Variants in PLA2R1 observed in about 807,000 individuals in gnomAD.
PLA2R1 encodes the protein phospholipase A2 receptor 1, also known as secretory phospholipase A2 receptor.
PLA2R1 carries 158 observed loss-of-function variants against 195.9 expected under a neutral mutation model. That is an observed-to-expected ratio of 0.81 (90% confidence interval 0.71 to 0.92). The LOEUF is 0.92. PLA2R1 is among the 40% of genes least tolerant of loss of function. PLA2R1 has a pLI of 0.00. For missense variants in PLA2R1, 1,626 were observed against 1,764.6 expected (o/e 0.92, Z 1.41); for synonymous variants, 586 against 598.2 (o/e 0.98, Z 0.30).
At chr2:159,999,814 A>C (rs1051464045) in intron 11 of PLA2R1, among the ~76,000 whole-genome samples, 7 of 152,210 alleles carry the variant, frequency 4.6e-5, no homozygotes, top group Admixed American at 1.3e-4. Context: ...GACTGAATAC[A>C]TGTGCTTATC....
chr2:159,957,399 G>A (rs1447101734), intron 20 of PLA2R1, among the ~76,000 whole-genome samples: 1 of 152,156 alleles, frequency 6.6e-6, no homozygotes, highest in Non-Finnish European at 1.5e-5. Context: ...CTGTTGCCCA[G>A]GCTGGAGTGC....
In PLA2R1 at chr2:159,945,007, T is replaced by C. The variant is rs142742574; in HGVS notation, c.4043A>G (p.Tyr1348Cys). ...NWGIRKPDTDYFKPHHCVALR... is the reference protein window; with the variant it reads ...NWGIRKPDTDCFKPHHCVALR... ...GGCAACACAATGATGGGGCTTGAAG[T>C]AGTCTGTGTCTGGCTTCCGAATGCC... is the stretch of plus-strand genomic sequence containing the variant. The change falls in exon 28 of 30, where the codon TAC (tyrosine) becomes TGC (cysteine). Residue 1348 changes from tyrosine (Y) to cysteine (C), a missense_variant. By Grantham distance (194) the Tyr-to-Cys change is radical. Transcript: ENST00000283243. 2 of 1,613,598 alleles carry C rather than the reference T, an allele frequency of 1.2e-6. No individual in the cohort carries two copies. The highest frequency in any genetic ancestry group is 1.7e-6 in the Non-Finnish European group (2 of 1,179,620).
At chr2:160,029,368 C>T (rs3792190) in intron 4 of PLA2R1, among the ~76,000 whole-genome samples, 2,678 of 151,990 alleles carry the variant, frequency 0.018, 37 homozygotes, top group East Asian at 0.031. Flanking sequence ...AAACGGTGTG[C>T]TGAAGTAGAT....
chr2:159,984,198 TGGGA>T (rs911441972), intron 12 of PLA2R1, 125 bp from the exon 13 acceptor site: 4 of 498,568 alleles, frequency 8.0e-6, no homozygotes, highest in East Asian at 3.0e-5. Flanking sequence ...CTTGATCTAG[TGGGA>T]GGAAGTAATA....
At chr2:159,969,750 C>A (rs547985316) in intron 18 of PLA2R1, among the ~76,000 whole-genome samples, 1 of 152,230 alleles carries the variant, frequency 6.6e-6, no homozygotes, top group African/African-American at 2.4e-5. Flanking sequence ...TCCATGTTGG[C>A]CAGGCTGGTC....
intron 17 of PLA2R1, among the ~76,000 whole-genome samples, chr2:159,975,201 A>G (rs1689457888): frequency 6.6e-6 from 1 of 152,218 alleles, no homozygotes; most frequent in Admixed American, 6.5e-5. Context: ...GAAAAATAAA[A>G]TTGTATGTAT....
chr2:160,021,074 A>G (rs974019362), intron 7 of PLA2R1, among the ~76,000 whole-genome samples: 2 of 152,180 alleles, frequency 1.3e-5, no homozygotes, highest in Admixed American at 1.3e-4. Flanking sequence ...GGCATGAAAC[A>G]AACAAACTTT....
At chr2:159,978,603 T>A (rs1202463737) in intron 14 of PLA2R1, among the ~76,000 whole-genome samples, 2 of 152,218 alleles carry the variant, frequency 1.3e-5, no homozygotes, top group African/African-American at 4.8e-5. Context: ...TCTCAACTTC[T>A]ATGTGTCACA....
intron 20 of PLA2R1, among the ~76,000 whole-genome samples, chr2:159,961,100 G>A (rs906221661): frequency 1.1e-4 from 17 of 152,128 alleles, no homozygotes; most frequent in African/African-American, 4.1e-4. Flanking sequence ...GACAGATGAG[G>A]CAATCTCAAA....
At chr2:159,990,007 A>G (rs143436280) in intron 11 of PLA2R1, among the ~76,000 whole-genome samples, 495 of 152,320 alleles carry the variant, frequency 3.2e-3, no homozygotes, top group African/African-American at 0.011. Context: ...TGTTATTGGT[A>G]TTCTAAAGTG....
Position 159,945,082 on chromosome 2 carries a change from T to C in PLA2R1, c.3968A>G (p.Asn1323Ser). The C allele has an allele frequency of 6.2e-7, 1 of 1,603,968 alleles. No individual in the cohort carries two copies. Among genetic ancestry groups the C allele is most frequent in the Non-Finnish European group, 8.5e-7 (1 of 1,173,798 alleles). Residue 1323 changes from asparagine to serine, a missense_variant and splice_region_variant, in exon 28 of 30, where the codon AAT (asparagine) becomes AGT (serine). By Grantham distance (46) the Asn-to-Ser change is conservative. Coordinates refer to ENST00000283243, the MANE Select transcript of PLA2R1 (RefSeq NM_007366.5). The part of the protein sequence containing the change: ...VWLNAQFDGN[N>S]ETIKWFDGTP... ...TCCATCAAACCACTTTATGGTTTCA[T>C]CTGTGAGAAAATTGCTGACTCATTA...
chr2:160,021,629 G>A (rs1027385890), intron 7 of PLA2R1, among the ~76,000 whole-genome samples: 16 of 152,268 alleles, frequency 1.1e-4, no homozygotes, highest in African/African-American at 3.9e-4. Context: ...ATTCCAAAAG[G>A]TAGCAGAGGT....
At chr2:160,027,426 A>C (rs1693592836) in intron 6 of PLA2R1, among the ~76,000 whole-genome samples, 2 of 152,186 alleles carry the variant, frequency 1.3e-5, no homozygotes, top group African/African-American at 2.4e-5. Context: ...ATCTCTACAT[A>C]AAAAAATGAC....
intron 4 of PLA2R1, among the ~76,000 whole-genome samples, chr2:160,029,599 C>T (rs939096710): frequency 6.6e-6 from 1 of 152,078 alleles, no homozygotes; most frequent in Non-Finnish European, 1.5e-5. Flanking sequence ...AATGCAATAC[C>T]ATTTTTGTTA....
At chr2:160,019,312 C>T (rs904468467) in intron 8 of PLA2R1, among the ~76,000 whole-genome samples, 1 of 152,164 alleles carries the variant, frequency 6.6e-6, no homozygotes, top group Non-Finnish European at 1.5e-5. Flanking sequence ...TTCCATCCCT[C>T]AGTTCTTCCC....
At chr2:160,023,836 A>G (rs1221686536) in intron 6 of PLA2R1, among the ~76,000 whole-genome samples, 1 of 152,208 alleles carries the variant, frequency 6.6e-6, no homozygotes, top group Admixed American at 6.5e-5. Flanking sequence ...GTGCTGGAGC[A>G]CATCAAGGGA....
At chr2:160,061,370 A>G (rs1426842201) in intron 1 of PLA2R1, among the ~76,000 whole-genome samples, 3 of 152,186 alleles carry the variant, frequency 2.0e-5, no homozygotes, top group African/African-American at 7.2e-5. Flanking sequence ...TAGGTGCTCA[A>G]TAAGTGTTTG....
rs970178948 is a variant in PLA2R1 at position 159,940,746 on chromosome 2, T to C, written c.*1032A>G. On this transcript the variant is annotated 3_prime_UTR_variant, in exon 30 of 30. Coordinates refer to ENST00000283243, the MANE Select transcript of PLA2R1 (RefSeq NM_007366.5). ...ACTAGACTAATATAAAAGGAGATCG[T>C]TCCCAGAAAATAGTTTATTAAATAG... is the stretch of plus-strand genomic sequence containing the variant. 1 of 152,212 alleles carries C rather than the reference T, an allele frequency of 6.6e-6. No individual in the cohort carries two copies. Among genetic ancestry groups the C allele is most frequent in the African/African-American group, 2.4e-5 (1 of 41,454 alleles). The allele number at this position is 152,212 out of a possible 1,614,324, so 9.4% of individuals were successfully genotyped here. A position where few individuals can be genotyped will look rare whatever the true frequency, so the allele number is the denominator to read the frequency against.
intron 27 of PLA2R1, chr2:159,946,061 C>T (rs1687368373): frequency 2.0e-6 from 2 of 978,682 alleles, no homozygotes; most frequent in Admixed American, 1.2e-4. Flanking sequence ...ACCAAGCCAG[C>T]CATGTACCAA....
Sources: allele counts gnomAD v4.1 joint callset (sites outside exome capture counted in the v4.1 genomes callset), GRCh38; gene constraint gnomAD v4.1.1; transcripts MANE v1.5; gene names NCBI Gene and HGNC (gene_info 2026-07-23, HGNC 2026-07-21).